The following SLC22A23 variants were observed in gnomAD, a reference collection of about 807,000 sequenced individuals.
The protein encoded by SLC22A23 is solute carrier family 22 member 23, also known as ion transporter protein.
A neutral mutation model predicts 61.0 loss-of-function variants in SLC22A23; 26 were observed. That is an observed-to-expected ratio of 0.43 (90% confidence interval 0.31 to 0.59). The LOEUF (loss-of-function observed/expected upper bound fraction) is 0.59, where lower values mean the gene tolerates loss of function less well. SLC22A23 is among the 20% of genes least tolerant of loss of function. The pLI, the probability that SLC22A23 is intolerant of heterozygous loss-of-function variation, is 0.11. For missense variants in SLC22A23, 796 were observed against 934.7 expected, an observed-to-expected ratio of 0.85 and a Z score of 1.94; for synonymous variants, 430 against 413.9, an observed-to-expected ratio of 1.04 and a Z score of -0.47.
intron 1 of SLC22A23, among the ~76,000 whole-genome samples, chr6:3,428,616 A>G (rs1241367487): frequency 6.6e-6 from 1 of 152,198 alleles, no homozygotes; most frequent in Non-Finnish European, 1.5e-5. Context: ...TCCATTCAGC[A>G]TTCCCCAATT....
At chr6:3,273,536 T>G in intron 9 of SLC22A23, 124 bp from the exon 10 acceptor site, 1 of 983,954 alleles carries the variant, frequency 1.0e-6, no homozygotes, top group Non-Finnish European at 1.5e-6. Flanking sequence ...CTGCCCAGTA[T>G]ACCCCGACCT....
At chr6:3,298,969 A>G (rs1422387819) in intron 4 of SLC22A23, among the ~76,000 whole-genome samples, 2 of 104,098 alleles carry the variant, frequency 1.9e-5, no homozygotes, top group East Asian at 2.5e-4. Context: ...ACAGAGCGAG[A>G]CTCCGTCTCA....
chr6:3,288,192 G>T (rs1399967104), intron 6 of SLC22A23, among the ~76,000 whole-genome samples: 19 of 152,190 alleles, frequency 1.2e-4, no homozygotes, highest in Admixed American at 1.2e-3. Context: ...GGGTGTACCT[G>T]TGATGCACCC....
chr6:3,298,700 C>T (rs1028711689), intron 4 of SLC22A23, among the ~76,000 whole-genome samples: 5 of 152,148 alleles, frequency 3.3e-5, no homozygotes, highest in Non-Finnish European at 5.9e-5. Flanking sequence ...CGGCCGGGCG[C>T]GGTGGCTCAC....
chr6:3,315,865 AAAAAAAAAAG>A (rs1241258777), intron 4 of SLC22A23, among the ~76,000 whole-genome samples: 9 of 69,156 alleles, frequency 1.3e-4, no homozygotes, highest in East Asian at 2.2e-3. Flanking sequence ...ATCCGTCTCA[AAAAAAAAAAG>A]AAAAGAAAAG....
rs112450148 is a variant in SLC22A23, at chr6:3,387,814, C to T, written c.913+22374G>A. Among the ~76,000 whole-genome samples, 1 of 152,152 alleles carries T rather than the reference C, an allele frequency of 6.6e-6. No individual in the cohort carries two copies. The highest frequency in any genetic ancestry group is 1.5e-5 in the Non-Finnish European group (1 of 68,030). On this transcript the variant is annotated intron_variant, in intron 3 of 9. Transcript: ENST00000406686. The surrounding 1 kb of genome is among the most constrained non-coding windows in gnomAD (Gnocchi z 5.0). ...CAAAGAGTTAACGAAACCCAAGAGTCGTGGGCTTCTCTGATAAAGTTCTCT... is the reference window on the plus strand; with the variant it reads ...CAAAGAGTTAACGAAACCCAAGAGTTGTGGGCTTCTCTGATAAAGTTCTCT...
chr6:3,325,025 T>C (rs1581693720), intron 3 of SLC22A23, among the ~76,000 whole-genome samples: 1 of 152,354 alleles, frequency 6.6e-6, no homozygotes, highest in Non-Finnish European at 1.5e-5. Flanking sequence ...CATTTATTTG[T>C]GATTCTCCGG....
intron 3 of SLC22A23, among the ~76,000 whole-genome samples, chr6:3,343,635 G>A (rs887742870): frequency 6.6e-6 from 1 of 152,188 alleles, no homozygotes; most frequent in East Asian, 1.9e-4. Flanking sequence ...TTGTCGAGAC[G>A]TAATTAAATA....
intron 3 of SLC22A23, among the ~76,000 whole-genome samples, chr6:3,383,423 G>A (rs373729089): frequency 9.9e-5 from 15 of 152,214 alleles, no homozygotes; most frequent in Admixed American, 4.6e-4. Context: ...GAACGTGCAC[G>A]GTGTAGAATC....
chr6:3,327,749 T>C lies in SLC22A23; in HGVS notation c.914-3747A>G, dbSNP rs1387525349. On this transcript the variant is annotated intron_variant, in intron 3 of 9. Transcript: ENST00000406686. The surrounding 1 kb of genome is among the most constrained non-coding windows in gnomAD (Gnocchi z 4.1). ...TTCCAGATTTTGGAATACTTGCATATACATAACGAGATATCTTGGGCAAGG... is the reference window on the plus strand; with the variant it reads ...TTCCAGATTTTGGAATACTTGCATACACATAACGAGATATCTTGGGCAAGG... 1.3e-5 allele frequency among the ~76,000 whole-genome samples: 2 copies of C among 152,218 alleles called. No homozygotes were observed. Among genetic ancestry groups the C allele is most frequent in the Non-Finnish European group, 2.9e-5 (2 of 68,034 alleles).
At chr6:3,408,147 TGAAAAATTTCCCACATG>T (rs1379085798) in intron 3 of SLC22A23, among the ~76,000 whole-genome samples, 4 of 152,242 alleles carry the variant, frequency 2.6e-5, no homozygotes, top group Non-Finnish European at 5.9e-5. Flanking sequence ...CTGCAAAGCC[TGAAAAATTTCCCACATG>T]GAAAAAGTTT....
intron 3 of SLC22A23, among the ~76,000 whole-genome samples, chr6:3,391,464 T>A (rs1305927701): frequency 6.6e-6 from 1 of 152,256 alleles, no homozygotes; most frequent in African/African-American, 2.4e-5. Context: ...CAATTTAGAA[T>A]CACATATGTA....
chr6:3,444,885 T>C (rs1431483141), intron 1 of SLC22A23: 1 of 985,418 alleles, frequency 1.0e-6, no homozygotes, highest in African/African-American at 1.7e-5. Context: ...AAGGAATAAA[T>C]CGCCCTTCCA....
In SLC22A23 at chr6:3,324,280, T is replaced by C; in HGVS notation, c.914-278A>G. 2 of 454,184 alleles carry C rather than the reference T, an allele frequency of 4.4e-6. No homozygotes were observed. Among genetic ancestry groups the C allele is most frequent in the Admixed American group, 3.5e-5 (1 of 28,864 alleles). The allele number at this position is 454,184 out of a possible 1,614,324, so 28.1% of individuals were successfully genotyped here. On this transcript the variant is annotated intron_variant, in intron 3 of 9. Coordinates refer to ENST00000406686, the MANE Select transcript of SLC22A23 (RefSeq NM_015482.2). The surrounding 1 kb of genome is among the most constrained non-coding windows in gnomAD (Gnocchi z 4.3). ...GGAGCTTAGCTCAGAAACCAGGAAA[T>C]GGTACTGCCTATGGGACAGATCGCC...
At chr6:3,447,963 C>T (rs145267168) in intron 1 of SLC22A23, among the ~76,000 whole-genome samples, 1,606 of 130,252 alleles carry the variant, frequency 0.012, 28 homozygotes, top group African/African-American at 0.046. Context: ...AGTGCAATGG[C>T]GCAATCTTGG....
intron 9 of SLC22A23, among the ~76,000 whole-genome samples, chr6:3,277,925 C>T (rs991310896): frequency 3.3e-5 from 5 of 152,242 alleles, no homozygotes; most frequent in African/African-American, 9.6e-5. Flanking sequence ...TTTGACGAAG[C>T]GAGCTGCCTT....
At chr6:3,319,529 A>G (rs4959808) in intron 4 of SLC22A23, among the ~76,000 whole-genome samples, 116,228 of 152,146 alleles carry the variant, frequency 0.76, 45,270 homozygotes, top group Non-Finnish European at 0.84. Flanking sequence ...GGAGATCGGG[A>G]GCTTGCTCTG....
chr6:3,321,128 C>T (rs1762921683), intron 4 of SLC22A23, among the ~76,000 whole-genome samples: 1 of 152,204 alleles, frequency 6.6e-6, no homozygotes, highest in Admixed American at 6.5e-5. Flanking sequence ...TGTGTCCGAG[C>T]CTCCCTTCAG....
intron 8 of SLC22A23, 147 bp downstream of exon 8, chr6:3,284,932 C>T (rs1759832168): frequency 6.5e-7 from 1 of 1,543,898 alleles, no homozygotes; most frequent in Non-Finnish European, 8.7e-7. Context: ...GTATAGTGTC[C>T]AACCTACGGC....
Sources: allele counts gnomAD v4.1 joint callset (sites outside exome capture counted in the v4.1 genomes callset), GRCh38; gene constraint gnomAD v4.1.1; non-coding constraint Gnocchi (gnomAD v3.1); transcripts MANE v1.5; gene names NCBI Gene and HGNC (gene_info 2026-07-23, HGNC 2026-07-21).